ZNF649: variants seen among roughly 807,000 people sequenced by gnomAD.
ZNF649 encodes zinc finger protein 649.
ZNF649 carries 7 observed loss-of-function variants against 14.1 expected under a neutral mutation model. The observed-to-expected ratio is 0.49, with a 90% CI of 0.28 to 0.93. The LOEUF is 0.93. Among genes scored for constraint, ZNF649 ranks in the 40% least tolerant of loss-of-function variants. The pLI, the probability that ZNF649 is intolerant of heterozygous loss-of-function variation, is 0.10. For synonymous variants in ZNF649, 227 were observed against 212.3 expected, an observed-to-expected ratio of 1.07 and a Z score of -0.60; for missense variants, 544 against 608.1, an observed-to-expected ratio of 0.89 and a Z score of 1.11.
chr19:51,898,460 G>C (rs1301754472), intron 2 of ZNF649, among the ~76,000 whole-genome samples: 6 of 152,124 alleles, frequency 3.9e-5, no homozygotes, highest in Non-Finnish European at 8.8e-5. Flanking sequence ...TGACAGCCAG[G>C]TAAAGAGGTA....
intron 2 of ZNF649, among the ~76,000 whole-genome samples, chr19:51,897,612 C>T (rs1198701279): frequency 6.6e-6 from 1 of 152,086 alleles, no homozygotes; most frequent in Non-Finnish European, 1.5e-5. Context: ...TACATGTAAG[C>T]ATTGACATGC....
At chr19:51,895,649 C>A (rs1220954580) in intron 4 of ZNF649, among the ~76,000 whole-genome samples, 1 of 151,942 alleles carries the variant, frequency 6.6e-6, no homozygotes, top group Non-Finnish European at 1.5e-5. Flanking sequence ...GCCTCCTATG[C>A]CTCAGTTCTT....
chr19:51,900,264 T>C lies in ZNF649; in HGVS notation c.-157A>G. 1 of 511,962 alleles carries C rather than the reference T, an allele frequency of 2.0e-6. No individual in the cohort carries two copies. The highest frequency in any genetic ancestry group is 3.3e-6 in the Non-Finnish European group (1 of 299,322). 31.7% of individuals were successfully genotyped at this position (511,962 alleles called of 1,614,324 possible). A position where few individuals can be genotyped will look rare whatever the true frequency, so the allele number is the denominator to read the frequency against. On this transcript the variant is annotated 5_prime_UTR_variant, in exon 2 of 5. Coordinates refer to ENST00000354957, the MANE Select transcript of ZNF649 (RefSeq NM_023074.4). ...TCCAGGAACCTCCTCCTTCCTTCAT[T>C]TGAACTCTCTTGCTTCTGGGGAGCC...
intron 1 of ZNF649, among the ~76,000 whole-genome samples, chr19:51,903,830 G>A (rs1002421931): frequency 6.6e-6 from 1 of 152,014 alleles, no homozygotes; most frequent in Admixed American, 6.5e-5. Context: ...GGGATAGGAG[G>A]AAACTTTGAT....
intron 4 of ZNF649, among the ~76,000 whole-genome samples, chr19:51,892,955 C>T (rs2085034616): frequency 6.6e-6 from 1 of 152,154 alleles, no homozygotes; most frequent in African/African-American, 2.4e-5. Flanking sequence ...TCTGTAGCAG[C>T]TAAACAAACA....
intron 4 of ZNF649, among the ~76,000 whole-genome samples, chr19:51,894,308 A>C (rs2122761622): frequency 6.6e-6 from 1 of 151,938 alleles, no homozygotes; most frequent in East Asian, 1.9e-4. Flanking sequence ...AATTTTTTGT[A>C]TTTTATGTAG....
At chr19:51,894,544 A>C (rs1403417484) in intron 4 of ZNF649, among the ~76,000 whole-genome samples, 1 of 152,164 alleles carries the variant, frequency 6.6e-6, no homozygotes, top group Non-Finnish European at 1.5e-5. Context: ...CTTGCATAAG[A>C]TATTTTATCA....
At chr19:51,896,801 A>G in intron 3 of ZNF649, 51 bp downstream of exon 3, 1 of 1,614,146 alleles carries the variant, frequency 6.2e-7, no homozygotes, top group Non-Finnish European at 8.5e-7. Context: ...CTGAGAAAGC[A>G]AAGGCCACTG....
chr19:51,894,713 A>C (rs540098537), intron 4 of ZNF649, among the ~76,000 whole-genome samples: 1 of 152,336 alleles, frequency 6.6e-6, no homozygotes, highest in African/African-American at 2.4e-5. Context: ...AATATTACAT[A>C]AAAATTTGCC....
chr19:51,895,415 C>G (rs1280352753), intron 4 of ZNF649, among the ~76,000 whole-genome samples: 1 of 152,100 alleles, frequency 6.6e-6, no homozygotes, highest in East Asian at 1.9e-4. Flanking sequence ...GCGATCTCAG[C>G]TCACTGCAAC....
chr19:51,899,966 C>G, intron 2 of ZNF649, 127 bp downstream of exon 2: 1 of 740,338 alleles, frequency 1.4e-6, no homozygotes, highest in Non-Finnish European at 2.1e-6. Flanking sequence ...AAGGTACAGT[C>G]TAAGTCTGTT....
intron 2 of ZNF649, 48 bp downstream of exon 2, chr19:51,900,045 C>G: frequency 6.9e-7 from 1 of 1,452,820 alleles, no homozygotes; most frequent in Non-Finnish European, 9.1e-7. Flanking sequence ...CAGACTTCCA[C>G]AAATCCATCA....
chr19:51,899,553 G>A (rs1418742660), intron 2 of ZNF649, among the ~76,000 whole-genome samples: 1 of 152,206 alleles, frequency 6.6e-6, no homozygotes, highest in African/African-American at 2.4e-5. Context: ...TGGAAAAACT[G>A]TGTTCATTAA....
At position 51,890,508 on chromosome 19, in the gene ZNF649, A is replaced by C. The variant is rs1004103011; in HGVS notation, c.*110T>G. ...GATATAAAAAAGTAAAATATATTTC[A>C]TATCTTGTAAACCCTACTATACATA... On this transcript the variant is annotated 3_prime_UTR_variant, in exon 5 of 5. Coordinates refer to ENST00000354957, the MANE Select transcript of ZNF649 (RefSeq NM_023074.4). The C allele has an allele frequency of 1.5e-6, 1 of 674,792 alleles. No individual in the cohort carries two copies. The highest frequency in any genetic ancestry group is 1.8e-5 in the African/African-American group (1 of 55,110). 41.8% of individuals were successfully genotyped at this position (674,792 alleles called of 1,614,324 possible). A position where few individuals can be genotyped will look rare whatever the true frequency, so the allele number is the denominator to read the frequency against.
rs1473808567 is a variant in ZNF649 at position 51,890,948 on chromosome 19, G to A, written c.1188C>T (p.His396=). The change falls in exon 5 of 5, where the codon CAC becomes CAT. Residue 396 remains histidine, a synonymous_variant. Transcript: ENST00000354957. ...KSGLIRHQKI[H]SGEKPYKCSD... The stretch of plus-strand genomic sequence containing the variant: ...TGCATTTATAGGGTTTCTCTCCTGA[G>A]TGAATTTTCTGATGTCTAATGAGTC... 1 of 1,613,834 alleles carries A rather than the reference G, an allele frequency of 6.2e-7. No individual in the cohort carries two copies. The highest frequency in any genetic ancestry group is 8.5e-7 in the Non-Finnish European group (1 of 1,179,904).
chr19:51,891,802 T>G lies in ZNF649; in HGVS notation c.334A>C (p.Lys112Gln). ...TGGTTGGTTAAACCTAAATATGATT[T>G]CAAAGTTCTTCCGTGTTCATAGCGT... ...GQRYEHGRTL[K>Q]SYLGLTNQSR... The change falls in exon 5 of 5, where the codon AAA becomes CAA. Residue 112 changes from lysine to glutamine, a missense_variant. Coordinates refer to ENST00000354957, the MANE Select transcript of ZNF649 (RefSeq NM_023074.4). The surrounding 1 kb of genome is among the most constrained non-coding windows in gnomAD (Gnocchi z 4.2). The G allele has an allele frequency of 6.2e-7, 1 of 1,613,730 alleles. No individual in the cohort carries two copies.
chr19:51,895,201 C>G (rs2085053016), intron 4 of ZNF649, among the ~76,000 whole-genome samples: 1 of 152,040 alleles, frequency 6.6e-6, no homozygotes, highest in South Asian at 2.1e-4. Flanking sequence ...GGAATTTAGA[C>G]ATGGAAGATA....
chr19:51,893,032 T>C (rs1475734090), intron 4 of ZNF649, among the ~76,000 whole-genome samples: 1 of 152,148 alleles, frequency 6.6e-6, no homozygotes, highest in Non-Finnish European at 1.5e-5. Context: ...GACTAACTGA[T>C]GCCCCTCACC....
At chr19:51,898,951 T>C (rs1354953314) in intron 2 of ZNF649, among the ~76,000 whole-genome samples, 2 of 151,998 alleles carry the variant, frequency 1.3e-5, no homozygotes, top group Non-Finnish European at 2.9e-5. Context: ...TCATCAACCA[T>C]TGGTCACAGA....
Sources: gnomAD v4.1 joint callset for allele counts (sites outside exome capture counted in the v4.1 genomes callset) on GRCh38, gnomAD v4.1.1 for gene constraint, Gnocchi (gnomAD v3.1) non-coding constraint, MANE v1.5 for transcripts, NCBI Gene and HGNC (gene_info 2026-07-23, HGNC 2026-07-21) for gene names.